The following MBD3L1 variants were observed in gnomAD, a reference collection of about 807,000 sequenced individuals.
MBD3L1 encodes the protein methyl-CpG binding domain protein 3 like 1.
For missense variants in MBD3L1, 203 were observed against 230.1 expected (o/e 0.88, Z 0.76); for synonymous variants, 84 against 85.1 (o/e 0.99, Z 0.07).
At chr19:8,832,692 C>T (rs928867111) in intron 1 of MBD3L1, among the ~76,000 whole-genome samples, 170 bp downstream of exon 1, 2 of 146,326 alleles carry the variant, frequency 1.4e-5, no homozygotes, top group African/African-American at 5.2e-5. Context: ...GTTCCAGGGT[C>T]GGGGCTGTGG....
chr19:8,834,033 A>C (rs554127071), intron 1 of MBD3L1, among the ~76,000 whole-genome samples: 1 of 152,230 alleles, frequency 6.6e-6, no homozygotes, highest in East Asian at 1.9e-4. Context: ...ACAAAAAAAG[A>C]TACTGGTAAG....
In MBD3L1 at chr19:8,840,978, T is replaced by A. The variant is rs1408640013; in HGVS notation, c.-43T>A. 1 of 152,020 alleles carries A rather than the reference T, an allele frequency of 6.6e-6. No homozygotes were observed. The highest frequency in any genetic ancestry group is 1.5e-5 in the Non-Finnish European group (1 of 67,994). The allele number at this position is 152,020 out of a possible 1,614,324, so 9.4% of individuals were successfully genotyped here. A position where few individuals can be genotyped will look rare whatever the true frequency, so the allele number is the denominator to read the frequency against. On this transcript the variant is annotated 5_prime_UTR_variant, in exon 2 of 3. Coordinates refer to ENST00000595891, the MANE Select transcript of MBD3L1 (RefSeq NM_001393532.1). ...CAGGGACCTTCCAAGTTTGAAGTTT[T>A]ACAAGGCAGGTGTGATAAGTGGTAA...
chr19:8,842,901 C>T lies in MBD3L1; in HGVS notation c.223C>T (p.Gln75Ter). The change falls in exon 3 of 3, where the codon CAG (glutamine) becomes TAG (stop). Residue 75 changes from glutamine (Q) to a stop codon, truncating the protein, a stop_gained. Coordinates refer to ENST00000595891, the MANE Select transcript of MBD3L1 (RefSeq NM_001393532.1). LOFTEE classifies it low-confidence loss of function (END_TRUNC). ...VCWQRRLQGL[Q>*]AYSSAGELSS... The stretch of plus-strand genomic sequence containing the variant: ...CTGGCAGAGGAGACTGCAGGGACTC[C>T]AGGCTTACAGCAGTGCAGGAGAACT... 6.2e-7 allele frequency: 1 copy of T among 1,614,210 alleles called. No homozygotes were observed. Among genetic ancestry groups the T allele is most frequent in the Non-Finnish European group, 8.5e-7 (1 of 1,180,034 alleles).
At chr19:8,835,899 G>T (rs1241515706) in intron 1 of MBD3L1, among the ~76,000 whole-genome samples, 4 of 152,112 alleles carry the variant, frequency 2.6e-5, no homozygotes, top group Non-Finnish European at 4.4e-5. Context: ...GTAAGTAAAA[G>T]AAGCCACTCA....
intron 1 of MBD3L1, among the ~76,000 whole-genome samples, chr19:8,834,921 A>C (rs2044438366): frequency 6.6e-6 from 1 of 152,236 alleles, no homozygotes; most frequent in Non-Finnish European, 1.5e-5. Flanking sequence ...ACCATCAAGA[A>C]AAAAGACAAA....
At chr19:8,841,962 C>T (rs1445674007) in intron 2 of MBD3L1, among the ~76,000 whole-genome samples, 2 of 152,174 alleles carry the variant, frequency 1.3e-5, no homozygotes, top group African/African-American at 2.4e-5. Context: ...TATTGACTTA[C>T]AAGCTGCAGG....
At chr19:8,838,259 A>AAAAAAAAAAAAAAAAAAAAC (rs2044475587) in intron 1 of MBD3L1, among the ~76,000 whole-genome samples, 1 of 133,972 alleles carries the variant, frequency 7.5e-6, no homozygotes, top group Non-Finnish European at 1.6e-5. Flanking sequence ...TCTCAAAAAA[A>AAAAAAAAAAAAAAAAAAAAC]AAAAAAAAAA....
intron 1 of MBD3L1, among the ~76,000 whole-genome samples, chr19:8,836,438 CCTT>C (rs973084191): frequency 1.3e-5 from 2 of 151,350 alleles, no homozygotes; most frequent in Non-Finnish European, 2.9e-5. Context: ...TCCTCCTCCT[CCTT>C]CTTCTCTTCC....
chr19:8,833,459 GAT>G (rs2044410836), intron 1 of MBD3L1: 1 of 152,272 alleles, frequency 6.6e-6, no homozygotes, highest in African/African-American at 2.4e-5. Context: ...TATCTTTCCA[GAT>G]ATAGTGTGGA....
At chr19:8,842,096 G>A (rs1389028276) in intron 2 of MBD3L1, among the ~76,000 whole-genome samples, 5 of 151,802 alleles carry the variant, frequency 3.3e-5, no homozygotes, top group South Asian at 2.1e-4. Flanking sequence ...GGGAGGTCGA[G>A]GGGGGGTGGA....
At chr19:8,842,544 C>A in intron 2 of MBD3L1, 114 bp from the exon 3 acceptor site, 1 of 745,736 alleles carries the variant, frequency 1.3e-6, no homozygotes, top group Non-Finnish European at 2.2e-6. Context: ...GCAGGTCAGA[C>A]CTATCCCCAG....
intron 2 of MBD3L1, among the ~76,000 whole-genome samples, chr19:8,842,171 C>T (rs1365023051): frequency 6.6e-6 from 1 of 151,758 alleles, no homozygotes; most frequent in African/African-American, 2.4e-5. Flanking sequence ...TCTACAAAAA[C>T]CACAAACAGC....
chr19:8,836,277 T>G (rs2145343054), intron 1 of MBD3L1, among the ~76,000 whole-genome samples: 1 of 152,238 alleles, frequency 6.6e-6, no homozygotes, highest in East Asian at 1.9e-4. Context: ...GAGTGCTTCT[T>G]CCTCAAAATA....
At chr19:8,834,268 G>A (rs1335508371) in intron 1 of MBD3L1, among the ~76,000 whole-genome samples, 1 of 152,154 alleles carries the variant, frequency 6.6e-6, no homozygotes, top group East Asian at 1.9e-4. Flanking sequence ...TGGAAAGACT[G>A]TTCTCTTCAA....
intron 2 of MBD3L1, among the ~76,000 whole-genome samples, chr19:8,841,794 C>T (rs556678551): frequency 2.0e-4 from 30 of 151,954 alleles, no homozygotes; most frequent in African/African-American, 5.8e-4. Flanking sequence ...TGACCTCAAG[C>T]GATTCGCCTG....
intron 1 of MBD3L1, among the ~76,000 whole-genome samples, chr19:8,839,732 A>G (rs1464243960): frequency 1.3e-5 from 2 of 152,150 alleles, no homozygotes; most frequent in Non-Finnish European, 2.9e-5. Context: ...GTGAGGAGAT[A>G]GGAGACATAG....
At chr19:8,842,610 C>A in intron 2 of MBD3L1, 48 bp from the exon 3 acceptor site, 1 of 1,343,390 alleles carries the variant, frequency 7.4e-7, no homozygotes, top group Non-Finnish European at 1.0e-6. Context: ...CCTGAGAAGG[C>A]AGGCTTCATT....
intron 1 of MBD3L1, among the ~76,000 whole-genome samples, chr19:8,835,315 G>A (rs1176622335): frequency 2.4e-4 from 37 of 152,110 alleles, no homozygotes; most frequent in Admixed American, 2.4e-3. Context: ...GCCTCCCTAA[G>A]TGCTGGGATT....
chr19:8,837,643 C>A (rs1404070293), intron 1 of MBD3L1, among the ~76,000 whole-genome samples: 1 of 152,154 alleles, frequency 6.6e-6, no homozygotes, highest in Non-Finnish European at 1.5e-5. Context: ...AAGACCCTCA[C>A]CCTTCACACT....
Sources: gnomAD v4.1 joint callset for allele counts (sites outside exome capture counted in the v4.1 genomes callset) on GRCh38, gnomAD v4.1.1 for gene constraint, MANE v1.5 for transcripts, NCBI Gene and HGNC (gene_info 2026-07-23, HGNC 2026-07-21) for gene names.